Variants in PTPRD observed in about 807,000 individuals in gnomAD.
PTPRD encodes protein tyrosine phosphatase receptor type D.
PTPRD carries 34 observed loss-of-function variants against 214.5 expected under a neutral mutation model. The ratio of observed to expected loss-of-function variants is 0.16; its 90% CI spans 0.12 to 0.21. The LOEUF (loss-of-function observed/expected upper bound fraction) is 0.21, where lower values mean the gene tolerates loss of function less well. Ranked by LOEUF, PTPRD falls within the 10% of genes least tolerant of loss-of-function variation. The pLI is 1.00. For missense variants in PTPRD, 2,545 were observed against 2,398.7 expected, an observed-to-expected ratio of 1.06 and a Z score of -1.27; for synonymous variants, 1,128 against 845.7, an observed-to-expected ratio of 1.33 and a Z score of -5.79.
intron 8 of PTPRD, among the ~76,000 whole-genome samples, chr9:9,415,016 C>A (rs563155006): frequency 6.6e-6 from 1 of 152,120 alleles, no homozygotes; most frequent in South Asian, 2.1e-4. Context: ...TAACTTTTAA[C>A]GAGAGGACTG....
intron 37 of PTPRD, among the ~76,000 whole-genome samples, chr9:8,381,508 G>A (rs2085076994): frequency 6.6e-6 from 1 of 152,086 alleles, no homozygotes; most frequent in African/African-American, 2.4e-5. Context: ...ATTCCCAACT[G>A]GCAGTCAGTC....
At chr9:9,203,232 CACACACACACACACAA>C (rs2099942910) in intron 9 of PTPRD, among the ~76,000 whole-genome samples, 1 of 151,084 alleles carries the variant, frequency 6.6e-6, no homozygotes, top group Admixed American at 6.6e-5. Flanking sequence ...CTCCATCAGA[CACACACACACACACAA>C]ACACACACAC....
intron 7 of PTPRD, among the ~76,000 whole-genome samples, chr9:9,612,963 C>T (rs1050406079): frequency 4.6e-5 from 7 of 151,092 alleles, no homozygotes; most frequent in South Asian, 2.1e-4. Context: ...TTCTGTAGAC[C>T]GGTGGTTCTC....
chr9:9,362,731 T>C (rs2056628297), intron 9 of PTPRD, among the ~76,000 whole-genome samples: 1 of 151,268 alleles, frequency 6.6e-6, no homozygotes, highest in East Asian at 1.9e-4. Context: ...CTATAATACT[T>C]TTGAAGTCTA....
At chr9:10,412,369 A>T (rs1049397116) in intron 2 of PTPRD, among the ~76,000 whole-genome samples, 1 of 151,776 alleles carries the variant, frequency 6.6e-6, no homozygotes, top group African/African-American at 2.4e-5. Flanking sequence ...ATCAGAAAGA[A>T]ATTGATTCCC....
At chr9:9,656,351 G>C (rs1469548532) in intron 7 of PTPRD, among the ~76,000 whole-genome samples, 2 of 152,116 alleles carry the variant, frequency 1.3e-5, no homozygotes, top group African/African-American at 2.4e-5. Context: ...TCAAAACTTG[G>C]AAACTCCAAG....
rs3076461 is a variant in PTPRD, at chr9:10,509,557, T to TTATATATATATATA, written c.-600+102827_-600+102840dup. On this transcript the variant is annotated intron_variant, in intron 2 of 45. Coordinates refer to ENST00000381196, the MANE Select transcript of PTPRD (RefSeq NM_002839.4). ...TAAATATATTTACATTTAATAAATATTATATATATATATATATATATATTT... is the reference window on the plus strand; with the variant it reads ...TAAATATATTTACATTTAATAAATATTATATATATATATATATATATATATATATATATATATTT... Among the ~76,000 whole-genome samples the TTATATATATATATA allele has an allele frequency of 2.7e-3, 286 of 106,632 alleles. 11 individuals are homozygous for TTATATATATATATA. The highest frequency in any genetic ancestry group is 7.9e-3 in the East Asian group (23 of 2,900). 70.0% of individuals were successfully genotyped at this position (106,632 alleles called of 152,430 possible).
intron 44 of PTPRD, among the ~76,000 whole-genome samples, chr9:8,326,578 C>A (rs1466542644): frequency 6.6e-6 from 1 of 151,528 alleles, no homozygotes; most frequent in East Asian, 1.9e-4. Flanking sequence ...ATGATGCTGG[C>A]CTCATAAAAT....
chr9:8,668,692 T>A (rs1178875423), intron 12 of PTPRD, among the ~76,000 whole-genome samples: 1 of 152,186 alleles, frequency 6.6e-6, no homozygotes, highest in Non-Finnish European at 1.5e-5. Flanking sequence ...TTTGGAAAAT[T>A]GCAATGTATA....
In PTPRD at chr9:10,477,694, A is replaced by G. The variant is rs139349912; in HGVS notation, c.-600+134704T>C. On this transcript the variant is annotated intron_variant, in intron 2 of 45. Transcript: ENST00000381196. ...AACACATGCACACGTAGGTTATTGC[A>G]TCACTATTCACAATAGCAAAGACTT... 5.0e-3 allele frequency among the ~76,000 whole-genome samples: 760 copies of G among 152,198 alleles called. 1 individual carries two copies. The highest frequency in any genetic ancestry group is 0.017 in the African/African-American group (719 of 41,538).
intron 14 of PTPRD, among the ~76,000 whole-genome samples, chr9:8,614,110 A>G (rs1406769556): frequency 1.3e-5 from 2 of 152,164 alleles, no homozygotes; most frequent in Admixed American, 1.3e-4. Flanking sequence ...GACATGATTA[A>G]TACATTATTG....
chr9:10,517,812 T>G (rs1309240072), intron 2 of PTPRD, among the ~76,000 whole-genome samples: 1 of 152,124 alleles, frequency 6.6e-6, no homozygotes, highest in Non-Finnish European at 1.5e-5. Flanking sequence ...TCCATTGACA[T>G]AATATTCATT....
chr9:8,526,843 T>C (rs1340801095), intron 16 of PTPRD, among the ~76,000 whole-genome samples, 199 bp from the exon 17 acceptor site: 1 of 152,144 alleles, frequency 6.6e-6, no homozygotes. Context: ...AGTTGCATTA[T>C]ACCACAGAGG....
chr9:9,466,449 C>T (rs1019710599), intron 8 of PTPRD, among the ~76,000 whole-genome samples: 2 of 152,090 alleles, frequency 1.3e-5, no homozygotes, highest in African/African-American at 4.8e-5. Flanking sequence ...GTACAAATCA[C>T]TGTAGAAAAA....
intron 3 of PTPRD, among the ~76,000 whole-genome samples, chr9:10,060,410 A>G (rs2154166974): frequency 6.6e-6 from 1 of 152,174 alleles, no homozygotes; most frequent in African/African-American, 2.4e-5. Context: ...CTACCTACTC[A>G]AAGTGTCATT....
intron 9 of PTPRD, among the ~76,000 whole-genome samples, chr9:9,259,840 C>T (rs1411913552): frequency 6.6e-6 from 1 of 151,772 alleles, no homozygotes; most frequent in Non-Finnish European, 1.5e-5. Context: ...CCTAAGGTCC[C>T]AACAAAGGGC....
intron 27 of PTPRD, among the ~76,000 whole-genome samples, chr9:8,487,947 T>C (rs1216696459): frequency 6.6e-6 from 1 of 152,126 alleles, no homozygotes; most frequent in Non-Finnish European, 1.5e-5. Flanking sequence ...GAGAATTGCT[T>C]GAGCCAAAGA....
chr9:9,284,421 G>C (rs776270694), intron 9 of PTPRD, among the ~76,000 whole-genome samples: 3 of 151,622 alleles, frequency 2.0e-5, no homozygotes, highest in Admixed American at 6.6e-5. Flanking sequence ...TGAATGCCTT[G>C]GTTGTTTTAT....
chr9:10,432,542 T>C (rs948942785), intron 2 of PTPRD, among the ~76,000 whole-genome samples: 1 of 151,992 alleles, frequency 6.6e-6, no homozygotes, highest in African/African-American at 2.4e-5. Context: ...CTGGCATCTC[T>C]AGCTCTTAAC....
Sources: allele counts gnomAD v4.1 joint callset (sites outside exome capture counted in the v4.1 genomes callset), GRCh38; gene constraint gnomAD v4.1.1; transcripts MANE v1.5; gene names NCBI Gene and HGNC (gene_info 2026-07-23, HGNC 2026-07-21).